The following INSR variants were observed in gnomAD, a reference collection of about 807,000 sequenced individuals.
INSR encodes the protein IR.
Under a neutral mutation model 142.6 loss-of-function variants are expected in INSR, and 67 were observed. The observed-to-expected ratio is 0.47, with a 90% CI of 0.39 to 0.58. The LOEUF is 0.58. INSR is among the 20% of genes least tolerant of loss of function. The pLI, the probability that INSR is intolerant of heterozygous loss-of-function variation, is 0.00. For synonymous variants in INSR, 756 were observed against 743.1 expected (o/e 1.02, Z -0.28); for missense variants, 1,248 against 1,833.2 (o/e 0.68, Z 5.83).
At position 7,166,043 on chromosome 19, in the gene INSR, A is replaced by AT; in HGVS notation, c.1861+110_1861+111insA. The AT allele has an allele frequency of 7.8e-7, 1 of 1,279,728 alleles. No individual in the cohort carries two copies. 79.3% of individuals were successfully genotyped at this position (1,279,728 alleles called of 1,614,324 possible). On this transcript the variant is annotated intron_variant, in intron 8 of 21. Transcript: ENST00000302850. The surrounding 1 kb of genome is among the most constrained non-coding windows in gnomAD (Gnocchi z 4.1). ...AGTAAGACCCTGTCTAAAAAAAAAA[A>AT]AAAAGCCAATAACCATATCAAGGAG...
chr19:7,202,200 G>A (rs1465638688), intron 2 of INSR, among the ~76,000 whole-genome samples: 2 of 152,180 alleles, frequency 1.3e-5, no homozygotes, highest in South Asian at 2.1e-4. Context: ...CACGTGGGTT[G>A]TGGCCACCCT....
chr19:7,204,999 G>A (rs1240480054), intron 2 of INSR, among the ~76,000 whole-genome samples: 5 of 128,052 alleles, frequency 3.9e-5, no homozygotes, highest in African/African-American at 1.3e-4. Context: ...CAGGAGAATC[G>A]CTTGAAGCCA....
At chr19:7,155,270 C>T (rs1211237145) in intron 9 of INSR, among the ~76,000 whole-genome samples, 1 of 151,948 alleles carries the variant, frequency 6.6e-6, no homozygotes, top group Non-Finnish European at 1.5e-5. Context: ...CGTGGTGGCC[C>T]TCTCCTGTAA....
At position 7,122,642 on chromosome 19, in the gene INSR, G is replaced by A. The variant is rs373794054; in HGVS notation, c.3501C>T (p.Val1167=). Residue 1167 remains valine, a synonymous_variant, in exon 19 of 22, where the codon GTC becomes GTT. Transcript: ENST00000302850. ...HRDLAARNCM[V]AHDFTVKIGD... ...CAATTTTGACAGTAAAATCATGGGCGACCATGCAGTTTCTCGCTGCCAGGT... is the reference window on the plus strand; with the variant it reads ...CAATTTTGACAGTAAAATCATGGGCAACCATGCAGTTTCTCGCTGCCAGGT... The A allele has an allele frequency of 2.2e-5, 36 of 1,614,002 alleles. No individual in the cohort carries two copies. The highest frequency in any genetic ancestry group is 1.4e-4 in the South Asian group (13 of 91,060).
At chr19:7,220,751 G>A (rs1264939222) in intron 2 of INSR, among the ~76,000 whole-genome samples, 1 of 152,152 alleles carries the variant, frequency 6.6e-6, no homozygotes, top group Non-Finnish European at 1.5e-5. Flanking sequence ...TATTTGGTAA[G>A]TCTGCCACAC....
rs1242118333 is a variant in INSR at position 7,168,542 on chromosome 19, A to G, written c.1484-448T>C. Among the ~76,000 whole-genome samples, 3 of 152,320 alleles carry G rather than the reference A, an allele frequency of 2.0e-5. No homozygotes were observed. Among genetic ancestry groups the G allele is most frequent in the Admixed American group, 6.5e-5 (1 of 15,288 alleles). ...TTAGAGACCCTGCAGATCATTAGAC[A>G]TCGGAGAGACGCATCTAAGTAATTC... On this transcript the variant is annotated intron_variant, in intron 6 of 21. Coordinates refer to ENST00000302850, the MANE Select transcript of INSR (RefSeq NM_000208.4). The surrounding 1 kb of genome is among the most constrained non-coding windows in gnomAD (Gnocchi z 4.3).
intron 10 of INSR, 67 bp downstream of exon 10, chr19:7,152,659 G>C (rs1404172983): frequency 1.5e-6 from 2 of 1,330,812 alleles, no homozygotes; most frequent in Admixed American, 3.4e-5. Flanking sequence ...CGGTCCCTAA[G>C]TAATGACCTT....
chr19:7,256,635 G>A (rs368661668), intron 2 of INSR, among the ~76,000 whole-genome samples: 12 of 150,834 alleles, frequency 8.0e-5, no homozygotes, highest in African/African-American at 2.2e-4. Flanking sequence ...ATGGTGGTGC[G>A]TGCCTGGAAT....
At chr19:7,214,167 G>A (rs972199076) in intron 2 of INSR, among the ~76,000 whole-genome samples, 2 of 152,100 alleles carry the variant, frequency 1.3e-5, no homozygotes, top group Non-Finnish European at 2.9e-5. Flanking sequence ...ATCTGAAGGG[G>A]GAAATTCCAT....
rs979882118 is a variant in INSR at position 7,192,481 on chromosome 19, T to C, written c.653-7844A>G. ...AGGACGGGGTTGACTTTCCTCTCCC[T>C]GTGCCCCTGACCTGATCCCCCTCAT... is the stretch of plus-strand genomic sequence containing the variant. On this transcript the variant is annotated intron_variant, in intron 2 of 21. Coordinates refer to ENST00000302850, the MANE Select transcript of INSR (RefSeq NM_000208.4). This position sits in a 1 kb window ranked among gnomAD's most constrained non-coding sequence, Gnocchi z 4.2. 1.3e-5 allele frequency among the ~76,000 whole-genome samples: 2 copies of C among 152,068 alleles called. No individual in the cohort carries two copies. The highest frequency in any genetic ancestry group is 2.1e-4 in the South Asian group (1 of 4,826).
chr19:7,116,757 TG>T lies in INSR; in HGVS notation c.*298del. ...AAACAGGTGCTTTCTTTCCATCTGC[TG>T]GGGGCGGGTGGGGGGAACGAAAAAA... On this transcript the variant is annotated 3_prime_UTR_variant, in exon 22 of 22. Coordinates refer to ENST00000302850, the MANE Select transcript of INSR (RefSeq NM_000208.4). 5.1e-6 allele frequency: 1 copy of T among 194,800 alleles called. No homozygotes were observed. 12.1% of individuals were successfully genotyped at this position (194,800 alleles called of 1,614,324 possible). A position where few individuals can be genotyped will look rare whatever the true frequency, so the allele number is the denominator to read the frequency against.
At chr19:7,275,090 C>T (rs1274461494) in intron 1 of INSR, among the ~76,000 whole-genome samples, 1 of 151,912 alleles carries the variant, frequency 6.6e-6, no homozygotes, top group African/African-American at 2.4e-5. Flanking sequence ...ATTCTCCTGC[C>T]TCAGCCTCCC....
At chr19:7,282,655 C>T (rs964571247) in intron 1 of INSR, among the ~76,000 whole-genome samples, 5 of 151,768 alleles carry the variant, frequency 3.3e-5, no homozygotes, top group Non-Finnish European at 5.9e-5. Context: ...GCATTCCAGC[C>T]TGGGCAACGG....
intron 2 of INSR, among the ~76,000 whole-genome samples, chr19:7,224,643 A>C (rs1403408373): frequency 1.3e-5 from 2 of 152,220 alleles, no homozygotes; most frequent in Non-Finnish European, 2.9e-5. Flanking sequence ...TGGTCCAGGC[A>C]GTGCACCCTG....
chr19:7,283,232 G>T (rs930403009), intron 1 of INSR, among the ~76,000 whole-genome samples: 2 of 152,106 alleles, frequency 1.3e-5, no homozygotes, highest in South Asian at 4.2e-4. Context: ...ATAAAATCCC[G>T]AGAGCCACTG....
At chr19:7,167,821 A>AT in intron 7 of INSR, 147 bp downstream of exon 7, 1 of 967,846 alleles carries the variant, frequency 1.0e-6, no homozygotes, top group Middle Eastern at 3.3e-4. Flanking sequence ...GACTGGTGAG[A>AT]TTGTAAAAAG....
chr19:7,179,795 A>G (rs1200830784), intron 3 of INSR, among the ~76,000 whole-genome samples: 1 of 152,222 alleles, frequency 6.6e-6, no homozygotes, highest in Non-Finnish European at 1.5e-5. Flanking sequence ...CAAAGCAGAT[A>G]ATATGCTTTC....
chr19:7,221,622 C>T (rs190636289), intron 2 of INSR, among the ~76,000 whole-genome samples: 28 of 151,938 alleles, frequency 1.8e-4, no homozygotes, highest in African/African-American at 5.1e-4. Flanking sequence ...GCAGGAGAAT[C>T]GCTTGAACCT....
At position 7,114,857 on chromosome 19, in the gene INSR, A is replaced by G. The variant is rs956934642; in HGVS notation, c.*2199T>C. The stretch of plus-strand genomic sequence containing the variant: ...ATGTGAAAATTGCAGCTAGTGTAGT[A>G]TACAACCACTACAAATTTACTAAGA... On this transcript the variant is annotated 3_prime_UTR_variant, in exon 22 of 22. Coordinates refer to ENST00000302850, the MANE Select transcript of INSR (RefSeq NM_000208.4). The G allele has an allele frequency of 6.6e-6, 1 of 152,264 alleles. No individual in the cohort carries two copies. The highest frequency in any genetic ancestry group is 6.6e-5 in the Admixed American group (1 of 15,266). The allele number at this position is 152,264 out of a possible 1,614,324, so 9.4% of individuals were successfully genotyped here. A position where few individuals can be genotyped will look rare whatever the true frequency, so the allele number is the denominator to read the frequency against.
Sources: allele counts gnomAD v4.1 joint callset (sites outside exome capture counted in the v4.1 genomes callset), GRCh38; gene constraint gnomAD v4.1.1; non-coding constraint Gnocchi (gnomAD v3.1); transcripts MANE v1.5; gene names NCBI Gene and HGNC (gene_info 2026-07-23, HGNC 2026-07-21).